DLG2: variants seen among roughly 807,000 people sequenced by gnomAD.
DLG2 encodes the protein discs large MAGUK scaffold protein 2, also known as disks large homolog 2.
A neutral mutation model predicts 132.5 loss-of-function variants in DLG2; 45 were observed. The observed-to-expected ratio is 0.34, with a 90% CI of 0.27 to 0.44. The LOEUF (loss-of-function observed/expected upper bound fraction) is 0.44. DLG2 is among the 20% of genes least tolerant of loss of function. The pLI is 1.00. For synonymous variants in DLG2, 424 were observed against 419.6 expected, an observed-to-expected ratio of 1.01 and a Z score of -0.13; for missense variants, 1,045 against 1,196.9, an observed-to-expected ratio of 0.87 and a Z score of 1.87.
chr11:83,921,486 G>T (rs1354564532), intron 15 of DLG2, among the ~76,000 whole-genome samples: 2 of 152,048 alleles, frequency 1.3e-5, no homozygotes, highest in South Asian at 2.1e-4. Context: ...TCATTATAAG[G>T]TTAAAATGAG....
At chr11:84,747,242 A>AT (rs1157296001) in intron 6 of DLG2, among the ~76,000 whole-genome samples, 3 of 152,170 alleles carry the variant, frequency 2.0e-5, no homozygotes, top group Non-Finnish European at 2.9e-5. Context: ...CCCTTTTTTA[A>AT]TTTTTTTATT....
chr11:83,733,012 C>CAGGCAG (rs1336781023), intron 18 of DLG2, among the ~76,000 whole-genome samples: 1 of 152,084 alleles, frequency 6.6e-6, no homozygotes, highest in Non-Finnish European at 1.5e-5. Context: ...GAGGCTGAGG[C>CAGGCAG]AGGCAGATCA....
chr11:84,809,007 T>C (rs1275606076), intron 6 of DLG2, among the ~76,000 whole-genome samples: 1 of 151,908 alleles, frequency 6.6e-6, no homozygotes, highest in African/African-American at 2.4e-5. Context: ...AAACTACAGG[T>C]CAATATCCCT....
At chr11:83,478,008 C>A (rs2092757278) in intron 22 of DLG2, among the ~76,000 whole-genome samples, 1 of 152,092 alleles carries the variant, frequency 6.6e-6, no homozygotes, top group Non-Finnish European at 1.5e-5. Context: ...TCCCACTATT[C>A]TTGAGCCAGA....
intron 6 of DLG2, among the ~76,000 whole-genome samples, chr11:84,982,194 T>C (rs974594249): frequency 6.8e-6 from 1 of 147,622 alleles, no homozygotes; most frequent in Non-Finnish European, 1.5e-5. Context: ...TAAATCTATA[T>C]AATTCTAATA....
chr11:84,514,778 G>A (rs566542832), intron 7 of DLG2, among the ~76,000 whole-genome samples: 1 of 151,906 alleles, frequency 6.6e-6, no homozygotes, highest in South Asian at 2.1e-4. Flanking sequence ...TAGAATTAAC[G>A]ATCATTTAAT....
intron 3 of DLG2, among the ~76,000 whole-genome samples, chr11:85,380,181 G>A (rs1297599332): frequency 1.3e-5 from 2 of 151,968 alleles, no homozygotes; most frequent in African/African-American, 4.8e-5. Flanking sequence ...TGTAAGACAT[G>A]ATCCTTTGTG....
chr11:84,633,404 C>T (rs1156433900), intron 6 of DLG2, among the ~76,000 whole-genome samples: 1 of 151,988 alleles, frequency 6.6e-6, no homozygotes, highest in Non-Finnish European at 1.5e-5. Flanking sequence ...CCTCTTCTCA[C>T]CCACCCCCTA....
chr11:85,187,533 T>C (rs1345889461), intron 4 of DLG2, among the ~76,000 whole-genome samples: 1 of 151,970 alleles, frequency 6.6e-6, no homozygotes, highest in Non-Finnish European at 1.5e-5. Context: ...CTAGACAAAA[T>C]TGCTAAAAAT....
intron 9 of DLG2, among the ~76,000 whole-genome samples, chr11:84,120,857 A>G (rs140315547): frequency 1.3e-5 from 2 of 152,328 alleles, no homozygotes; most frequent in East Asian, 3.9e-4. Flanking sequence ...TATATTATGT[A>G]TGTATTCTTT....
intron 6 of DLG2, among the ~76,000 whole-genome samples, chr11:84,717,812 C>T (rs919155276): frequency 6.6e-6 from 1 of 152,008 alleles, no homozygotes; most frequent in African/African-American, 2.4e-5. Context: ...TGAATTTATA[C>T]ATAGTAAGTA....
intron 6 of DLG2, among the ~76,000 whole-genome samples, chr11:84,632,369 T>C (rs1455365854): frequency 6.6e-6 from 1 of 152,000 alleles, no homozygotes; most frequent in Non-Finnish European, 1.5e-5. Flanking sequence ...TTTATCATGT[T>C]TGAAGAAAAA....
At chr11:85,124,609 A>T (rs1361925407) in intron 5 of DLG2, among the ~76,000 whole-genome samples, 3 of 152,186 alleles carry the variant, frequency 2.0e-5, no homozygotes, top group African/African-American at 7.2e-5. Context: ...TATTTTCTGA[A>T]TCTTGATCCA....
At chr11:85,518,350 T>C (rs1172727357) in intron 3 of DLG2, among the ~76,000 whole-genome samples, 3 of 152,118 alleles carry the variant, frequency 2.0e-5, no homozygotes, top group African/African-American at 2.4e-5. Flanking sequence ...CAGATGGAGA[T>C]GAGGAACTTG....
intron 6 of DLG2, among the ~76,000 whole-genome samples, chr11:84,821,572 G>A (rs532911925): frequency 1.3e-5 from 2 of 150,436 alleles, no homozygotes; most frequent in African/African-American, 4.9e-5. Context: ...AAAAACAGGT[G>A]GTGGGCCAGA....
At chr11:84,929,637 T>C (rs1240699662) in intron 6 of DLG2, among the ~76,000 whole-genome samples, 1 of 152,140 alleles carries the variant, frequency 6.6e-6, no homozygotes, top group Admixed American at 6.6e-5. Context: ...CAAAGAACAT[T>C]CTTCCCTTAT....
At chr11:84,742,387 C>G (rs891778587) in intron 6 of DLG2, among the ~76,000 whole-genome samples, 2 of 152,092 alleles carry the variant, frequency 1.3e-5, no homozygotes, top group Non-Finnish European at 2.9e-5. Flanking sequence ...GGAAGAATTT[C>G]AAAAACAGCA....
At chr11:84,780,112 T>A (rs774235757) in intron 6 of DLG2, among the ~76,000 whole-genome samples, 7 of 152,098 alleles carry the variant, frequency 4.6e-5, no homozygotes, top group Non-Finnish European at 8.8e-5. Flanking sequence ...ATTTTCCTAA[T>A]GAACAAAGAT....
At chr11:84,840,172 G>C (rs1235482815) in intron 6 of DLG2, among the ~76,000 whole-genome samples, 3 of 152,092 alleles carry the variant, frequency 2.0e-5, no homozygotes, top group Non-Finnish European at 2.9e-5. Context: ...ATCAAAAAGG[G>C]GGGAAAGGAT....
Sources: allele counts gnomAD v4.1 joint callset (sites outside exome capture counted in the v4.1 genomes callset), GRCh38; gene constraint gnomAD v4.1.1; transcripts MANE v1.5; gene names NCBI Gene and HGNC (gene_info 2026-07-23, HGNC 2026-07-21).